SAMD14: variants seen among roughly 807,000 people sequenced by gnomAD.
SAMD14 encodes sterile alpha motif domain containing 14.
In SAMD14, 27 loss-of-function variants were observed where a neutral mutation model predicts 46.2. The ratio of observed to expected loss-of-function variants is 0.58; its 90% CI spans 0.43 to 0.81. The LOEUF (loss-of-function observed/expected upper bound fraction) is 0.81. Ranked by LOEUF, SAMD14 falls within the 30% of genes least tolerant of loss-of-function variation. The pLI, the probability that SAMD14 is intolerant of heterozygous loss-of-function variation, is 0.00. For synonymous variants in SAMD14, 241 were observed against 254.3 expected (o/e 0.95, Z 0.50); for missense variants, 559 against 582.2 (o/e 0.96, Z 0.41).
chr17:50,126,623 C>T (rs1226892956), intron 1 of SAMD14, among the ~76,000 whole-genome samples: 1 of 152,014 alleles, frequency 6.6e-6, no homozygotes, highest in Non-Finnish European at 1.5e-5. Flanking sequence ...TTCATATCCC[C>T]ACTTTACAGA....
Position 50,117,627 on chromosome 17 carries a change from C to G in SAMD14, c.279G>C (p.Pro93=), listed in dbSNP as rs748815847. 6.4e-7 allele frequency: 1 copy of G among 1,559,186 alleles called. No homozygotes were observed. The highest frequency in any genetic ancestry group is 1.2e-5 in the South Asian group (1 of 85,372). ...RSPLHSGPGS[P]AGGSFCLDPP... Reference sequence around the variant, plus strand: ...GATCCAGGCAGAAAGAGCCCCCGGCCGGGGACCCCGGGCCTGAGTGCAAAG... The same window carrying G: ...GATCCAGGCAGAAAGAGCCCCCGGCGGGGGACCCCGGGCCTGAGTGCAAAG... Residue 93 remains proline (P), a synonymous_variant, in exon 4 of 10, where the codon CCG becomes CCC. Coordinates refer to ENST00000330175, the MANE Select transcript of SAMD14 (RefSeq NM_001257359.2).
At chr17:50,113,198 C>CA in intron 9 of SAMD14, 150 bp from the exon 10 acceptor site, 1 of 838,650 alleles carries the variant, frequency 1.2e-6, no homozygotes, top group South Asian at 1.8e-5. Flanking sequence ...GTGACCTGCC[C>CA]ATGGATCAGA....
In SAMD14 at chr17:50,110,057, G is replaced by C; in HGVS notation, c.*2836C>G. The C allele has an allele frequency of 6.2e-7, 1 of 1,611,126 alleles. No individual in the cohort carries two copies. The highest frequency in any genetic ancestry group is 8.5e-7 in the Non-Finnish European group (1 of 1,178,790). On this transcript the variant is annotated 3_prime_UTR_variant, in exon 10 of 10. Coordinates refer to ENST00000330175, the MANE Select transcript of SAMD14 (RefSeq NM_001257359.2). ...GAGGCCGGCGACTGGTGTGTGCCCA[G>C]CACGGAGCCCAAGAACACGTCCACG...
Position 50,118,336 on chromosome 17 carries a change from CG to C in SAMD14, c.44-10del. On this transcript the variant is annotated splice_polypyrimidine_tract_variant and intron_variant, in intron 2 of 9. Coordinates refer to ENST00000330175, the MANE Select transcript of SAMD14 (RefSeq NM_001257359.2). Reference sequence around the variant, plus strand: ...CACAGCCAAGTCCAGGTCTGCGAACCGGGGGAGGGGAGCAGAGACCAGACAC... The same window carrying C: ...CACAGCCAAGTCCAGGTCTGCGAACCGGGGAGGGGAGCAGAGACCAGACAC... The C allele has an allele frequency of 1.9e-6, 3 of 1,610,810 alleles. No individual in the cohort carries two copies. Among genetic ancestry groups the C allele is most frequent in the Non-Finnish European group, 1.7e-6 (2 of 1,179,950 alleles).
chr17:50,118,337 G>C lies in SAMD14; in HGVS notation c.44-10C>G, dbSNP rs558349040. 2 of 1,610,354 alleles carry C rather than the reference G, an allele frequency of 1.2e-6. No homozygotes were observed. Among genetic ancestry groups the C allele is most frequent in the Admixed American group, 1.7e-5 (1 of 59,982 alleles). ...ACAGCCAAGTCCAGGTCTGCGAACC[G>C]GGGGAGGGGAGCAGAGACCAGACAC... On this transcript the variant is annotated splice_polypyrimidine_tract_variant and intron_variant, in intron 2 of 9. Coordinates refer to ENST00000330175, the MANE Select transcript of SAMD14 (RefSeq NM_001257359.2).
At chr17:50,128,482 TCACACACACA>T (rs34869142) in intron 1 of SAMD14, among the ~76,000 whole-genome samples, 6 of 135,798 alleles carry the variant, frequency 4.4e-5, no homozygotes, top group Non-Finnish European at 3.1e-5. Context: ...GCACACTCTC[TCACACACACA>T]CACACACACA....
Position 50,112,615 on chromosome 17 carries a change from C to T in SAMD14, c.*278G>A, listed in dbSNP as rs1181784191. The stretch of plus-strand genomic sequence containing the variant: ...CTCCCAGACTTGCCTCAGCCCTGGC[C>T]TCTCTGCCCTCTCCCCTTCATCTGC... On this transcript the variant is annotated 3_prime_UTR_variant, in exon 10 of 10. Coordinates refer to ENST00000330175, the MANE Select transcript of SAMD14 (RefSeq NM_001257359.2). The T allele has an allele frequency of 2.8e-5, 9 of 325,548 alleles. No homozygotes were observed. Among genetic ancestry groups the T allele is most frequent in the Non-Finnish European group, 3.9e-5 (7 of 178,106 alleles). 20.2% of individuals were successfully genotyped at this position (325,548 alleles called of 1,614,324 possible).
At chr17:50,118,983 T>C (rs759762699) in intron 2 of SAMD14, among the ~76,000 whole-genome samples, 20 of 152,242 alleles carry the variant, frequency 1.3e-4, no homozygotes, top group Admixed American at 3.3e-4. Context: ...CTGGCTAGGC[T>C]GGCTCTAGAG....
In SAMD14 at chr17:50,114,068, T is replaced by A. The variant is rs1598221839; in HGVS notation, c.954A>T (p.Glu318Asp). ...LSQSSDEFLD[E>D]PLPPVHHWTS... is the part of the protein sequence containing the mutation. ...TCCAGTGGTGGACAGGGGGGAGGGG[T>A]TCATCCAGGAACTGGGCAGAGACCA... is the stretch of plus-strand genomic sequence containing the variant. Residue 318 changes from glutamate to aspartate, a missense_variant, in exon 9 of 10, where the codon GAA becomes GAT. Transcript: ENST00000330175. The A allele has an allele frequency of 6.2e-7, 1 of 1,611,526 alleles. No homozygotes were observed. Among genetic ancestry groups the A allele is most frequent in the East Asian group, 2.2e-5 (1 of 44,808 alleles).
Position 50,112,752 on chromosome 17 carries a change from G to A in SAMD14, c.*141C>T, listed in dbSNP as rs1910920303. On this transcript the variant is annotated 3_prime_UTR_variant, in exon 10 of 10. Transcript: ENST00000330175. ...CTCTGGGTCTAGACCAAGTGACAGGGTAAGAGAGAGCATGTCCCCCCTGAG... is the reference window on the plus strand; with the variant it reads ...CTCTGGGTCTAGACCAAGTGACAGGATAAGAGAGAGCATGTCCCCCCTGAG... 2.0e-6 allele frequency: 2 copies of A among 982,452 alleles called. No individual in the cohort carries two copies. The highest frequency in any genetic ancestry group is 2.9e-6 in the Non-Finnish European group (2 of 678,464). 60.9% of individuals were successfully genotyped at this position (982,452 alleles called of 1,614,324 possible).
chr17:50,122,067 A>G (rs1598231356), intron 2 of SAMD14, among the ~76,000 whole-genome samples: 1 of 152,072 alleles, frequency 6.6e-6, no homozygotes, highest in African/African-American at 2.4e-5. Flanking sequence ...TTATACTGAT[A>G]CCTATATGTG....
At chr17:50,118,003 G>T in intron 3 of SAMD14, 158 bp downstream of exon 3, 1 of 818,126 alleles carries the variant, frequency 1.2e-6, no homozygotes, top group South Asian at 2.0e-5. Context: ...AGGATTAAAT[G>T]AGCCAGAAGT....
Position 50,117,415 on chromosome 17 carries a change from T to C in SAMD14, c.491A>G (p.His164Arg), listed in dbSNP as rs754793877. 3 of 1,331,788 alleles carry C rather than the reference T, an allele frequency of 2.3e-6. No individual in the cohort carries two copies. Among genetic ancestry groups the C allele is most frequent in the Non-Finnish European group, 2.9e-6 (3 of 1,046,246 alleles). The allele number at this position is 1,331,788 out of a possible 1,614,324, so 82.5% of individuals were successfully genotyped here. ...FVRRHPRAEPHSEDDSRDASP... is the reference protein window; with the variant it reads ...FVRRHPRAEPRSEDDSRDASP... ...CGCTGGCCGCCTCTCACCTTCGCTGTGCGGCTCTGCGCGCGGGTGGCGGCG... is the reference window on the plus strand; with the variant it reads ...CGCTGGCCGCCTCTCACCTTCGCTGCGCGGCTCTGCGCGCGGGTGGCGGCG... The change falls in exon 4 of 10, where the codon CAC (histidine) becomes CGC (arginine). Residue 164 changes from histidine to arginine, a missense_variant. His to Arg is a conservative substitution (Grantham distance 29). Transcript: ENST00000330175.
intron 3 of SAMD14, chr17:50,117,921 CTT>C: frequency 1.6e-6 from 1 of 639,248 alleles, no homozygotes; most frequent in Non-Finnish European, 2.5e-6. Flanking sequence ...CTTACTGTGA[CTT>C]TGCTCCTGGA....
chr17:50,128,226 C>CCAGG (rs1315213475), intron 1 of SAMD14, among the ~76,000 whole-genome samples: 6 of 152,152 alleles, frequency 3.9e-5, no homozygotes, highest in Admixed American at 6.5e-5. Context: ...TCCTCCTCTT[C>CCAGG]CAGGCACCCT....
chr17:50,127,201 C>T (rs1911818383), intron 1 of SAMD14, among the ~76,000 whole-genome samples: 2 of 152,140 alleles, frequency 1.3e-5, no homozygotes, highest in African/African-American at 4.8e-5. Flanking sequence ...AGGGCTCCTG[C>T]CCCTCTGCGC....
intron 2 of SAMD14, among the ~76,000 whole-genome samples, 160 bp from the exon 3 acceptor site, chr17:50,118,487 C>G (rs1487490547): frequency 1.3e-5 from 2 of 152,230 alleles, no homozygotes; most frequent in East Asian, 3.8e-4. Context: ...GTCTCCCCGT[C>G]TCAGGTGGGA....
At chr17:50,128,718 G>A (rs1176242687) in intron 1 of SAMD14, among the ~76,000 whole-genome samples, 1 of 152,182 alleles carries the variant, frequency 6.6e-6, no homozygotes, top group Non-Finnish European at 1.5e-5. Context: ...TGGGGAGGGA[G>A]CGGGAGCGGG....
In SAMD14 at chr17:50,112,811, C is replaced by T; in HGVS notation, c.*82G>A. The T allele has an allele frequency of 6.7e-7, 1 of 1,493,628 alleles. No homozygotes were observed. The highest frequency in any genetic ancestry group is 2.0e-5 in the Admixed American group (1 of 49,646). The allele number at this position is 1,493,628 out of a possible 1,614,324, so 92.5% of individuals were successfully genotyped here. Reference sequence around the variant, plus strand: ...ACCAGGCTAGCCCAAGTGCAGCGCCCAGGTCCAGCCTCCCTGGTGAGGCCT... The same window carrying T: ...ACCAGGCTAGCCCAAGTGCAGCGCCTAGGTCCAGCCTCCCTGGTGAGGCCT... On this transcript the variant is annotated 3_prime_UTR_variant, in exon 10 of 10. Coordinates refer to ENST00000330175, the MANE Select transcript of SAMD14 (RefSeq NM_001257359.2).
Sources: allele counts gnomAD v4.1 joint callset (sites outside exome capture counted in the v4.1 genomes callset), GRCh38; gene constraint gnomAD v4.1.1; transcripts MANE v1.5; gene names NCBI Gene and HGNC (gene_info 2026-07-23, HGNC 2026-07-21).